The following ANO5 variants were observed in gnomAD, a reference collection of about 807,000 sequenced individuals.
ANO5 encodes the protein anoctamin 5, also known as anoctamin-5.
ANO5 carries 109 observed loss-of-function variants against 121.0 expected under a neutral mutation model. The ratio of observed to expected loss-of-function variants is 0.90; its 90% confidence interval spans 0.77 to 1.06. ANO5 has a LOEUF of 1.06. Ranked by LOEUF, ANO5 falls within the 50% of genes least tolerant of loss-of-function variation. The pLI is 0.00. For synonymous variants in ANO5, 406 were observed against 359.9 expected, an observed-to-expected ratio of 1.13 and a Z score of -1.45; for missense variants, 1,064 against 1,078.5, an observed-to-expected ratio of 0.99 and a Z score of 0.19.
Position 22,203,944 on chromosome 11 carries a change from A to G in ANO5, c.87+94A>G, listed in dbSNP as rs554485752. 1.2e-3 allele frequency: 974 copies of G among 796,762 alleles called. 3 individuals are homozygous for G. Among genetic ancestry groups the G allele is most frequent in the Non-Finnish European group, 1.8e-3 (899 of 493,500 alleles). The allele number at this position is 796,762 out of a possible 1,614,324, so 49.4% of individuals were successfully genotyped here. A position where few individuals can be genotyped will look rare whatever the true frequency, so the allele number is the denominator to read the frequency against. On this transcript the variant is annotated intron_variant, in intron 2 of 21. Transcript: ENST00000324559. ...GCCTTTGTACTTATTTACTTATAATACATTCTATTATGCCCTCTAATTTAT... is the reference window on the plus strand; with the variant it reads ...GCCTTTGTACTTATTTACTTATAATGCATTCTATTATGCCCTCTAATTTAT...
intron 2 of ANO5, among the ~76,000 whole-genome samples, chr11:22,207,162 G>A (rs1304161806): frequency 5.3e-5 from 8 of 151,968 alleles, no homozygotes; most frequent in Non-Finnish European, 1.2e-4. Context: ...TAAAATATCT[G>A]TATGACATTT....
At chr11:22,257,605 G>A (rs1854043950) in intron 13 of ANO5, 75 bp from the exon 14 acceptor site, 4 of 1,216,178 alleles carry the variant, frequency 3.3e-6, no homozygotes, top group Non-Finnish European at 4.9e-6. Flanking sequence ...TGGGCTCTGT[G>A]ATATTGACTA....
intron 5 of ANO5, among the ~76,000 whole-genome samples, chr11:22,223,198 G>A (rs4639931): frequency 0.69 from 105,005 of 151,836 alleles, 37,851 homozygotes; most frequent in Non-Finnish European, 0.81. Context: ...TTCATTAGAA[G>A]GAATCACAGG....
At chr11:22,274,983 G>A (rs554588909) in intron 20 of ANO5, among the ~76,000 whole-genome samples, 2 of 152,004 alleles carry the variant, frequency 1.3e-5, no homozygotes, top group East Asian at 3.9e-4. Flanking sequence ...CTAAGATTAT[G>A]GGTAAAGATA....
intron 7 of ANO5, 113 bp from the exon 8 acceptor site, chr11:22,236,050 A>G (rs564236051): frequency 1.4e-6 from 1 of 732,304 alleles, no homozygotes; most frequent in African/African-American, 1.8e-5. Context: ...TTCTTTCTAT[A>G]ATTAGAGCCT....
chr11:22,209,082 C>A (rs1243429301), intron 2 of ANO5, among the ~76,000 whole-genome samples: 2 of 151,874 alleles, frequency 1.3e-5, no homozygotes, highest in Admixed American at 6.6e-5. Context: ...TTTTACAAGA[C>A]AGAAGTATAA....
At chr11:22,219,466 T>C (rs1852568007) in intron 4 of ANO5, among the ~76,000 whole-genome samples, 1 of 152,038 alleles carries the variant, frequency 6.6e-6, no homozygotes, top group African/African-American at 2.4e-5. Context: ...TGTAAATATA[T>C]TAGTTTTTGA....
intron 7 of ANO5, among the ~76,000 whole-genome samples, chr11:22,229,004 G>A (rs1852943945): frequency 6.6e-6 from 1 of 151,852 alleles, no homozygotes; most frequent in Non-Finnish European, 1.5e-5. Context: ...CCAGTAATGG[G>A]ATTGCTGGAT....
Position 22,276,211 on chromosome 11 carries a change from T to G in ANO5, c.2520+12T>G, listed in dbSNP as rs757192592. 1.9e-6 allele frequency: 3 copies of G among 1,582,248 alleles called. No homozygotes were observed. The highest frequency in any genetic ancestry group is 1.1e-5 in the South Asian group (1 of 90,364). ...TCATTGTTATGGAAGTAAGCTGTTCTTAACTTTCATTCGAGTTACTCTCTT... is the reference window on the plus strand; with the variant it reads ...TCATTGTTATGGAAGTAAGCTGTTCGTAACTTTCATTCGAGTTACTCTCTT... On this transcript the variant is annotated intron_variant, in intron 21 of 21. Transcript: ENST00000324559.
chr11:22,254,787 A>C (rs1056205952), intron 12 of ANO5, among the ~76,000 whole-genome samples: 3 of 152,060 alleles, frequency 2.0e-5, no homozygotes, highest in African/African-American at 7.2e-5. Context: ...TAATTCCAGC[A>C]CTTTGGGGGG....
chr11:22,279,803 T>C lies in ANO5; in HGVS notation c.*38T>C. On this transcript the variant is annotated 3_prime_UTR_variant, in exon 22 of 22. Coordinates refer to ENST00000324559, the MANE Select transcript of ANO5 (RefSeq NM_213599.3). ...GGAAGCAGCAGGTGATCTGCCTTAC[T>C]TCACTTTATCCTCTGGTTTTAGGGC... The C allele has an allele frequency of 1.3e-6, 2 of 1,555,726 alleles. No individual in the cohort carries two copies.
intron 7 of ANO5, among the ~76,000 whole-genome samples, chr11:22,230,690 A>G (rs1352048182): frequency 6.6e-6 from 1 of 151,942 alleles, no homozygotes; most frequent in Non-Finnish European, 1.5e-5. Context: ...TCAGTACCAA[A>G]AAGCAGACAG....
chr11:22,275,982 T>C (rs1000481589), intron 20 of ANO5, 112 bp from the exon 21 acceptor site: 1 of 738,150 alleles, frequency 1.4e-6, no homozygotes, highest in Non-Finnish European at 2.3e-6. Context: ...ACCTGATTTT[T>C]CTGATCAACT....
chr11:22,239,551 C>G lies in ANO5; in HGVS notation c.763-18C>G, dbSNP rs986331169. On this transcript the variant is annotated intron_variant, in intron 8 of 21. Transcript: ENST00000324559. The stretch of plus-strand genomic sequence containing the variant: ...TTTTGCTTCGTCTTTTATGTACCCT[C>G]CTCTTGAATATCTGCAGGGCCAATA... The G allele has an allele frequency of 2.4e-5, 38 of 1,556,856 alleles. No individual in the cohort carries two copies. The highest frequency in any genetic ancestry group is 3.4e-5 in the Non-Finnish European group (38 of 1,128,398).
At chr11:22,231,877 C>T (rs1479850256) in intron 7 of ANO5, among the ~76,000 whole-genome samples, 2 of 151,992 alleles carry the variant, frequency 1.3e-5, no homozygotes, top group South Asian at 2.1e-4. Flanking sequence ...AATTATCAGT[C>T]TTTCGTGTTG....
chr11:22,253,283 C>T (rs1043708754), intron 12 of ANO5, among the ~76,000 whole-genome samples: 3 of 144,122 alleles, frequency 2.1e-5, no homozygotes, highest in African/African-American at 8.8e-5. Flanking sequence ...TAGTCCACAT[C>T]ATTTCTCTTT....
intron 8 of ANO5, among the ~76,000 whole-genome samples, chr11:22,238,868 A>T: frequency 6.6e-6 from 1 of 152,106 alleles, no homozygotes; most frequent in Non-Finnish European, 1.5e-5. Context: ...CGTTAGGTAT[A>T]TCTCCAACGT....
chr11:22,281,092 A>G lies in ANO5; in HGVS notation c.*1327A>G, dbSNP rs1174120148. The G allele has an allele frequency of 6.6e-6, 1 of 151,846 alleles. No homozygotes were observed. Among genetic ancestry groups the G allele is most frequent in the African/African-American group, 2.4e-5 (1 of 41,376 alleles). The allele number at this position is 151,846 out of a possible 1,614,324, so 9.4% of individuals were successfully genotyped here. A position where few individuals can be genotyped will look rare whatever the true frequency, so the allele number is the denominator to read the frequency against. ...ACTAAATATGTATAACTTTGTGTAT[A>G]CACACACACACATCTATATATATAA... On this transcript the variant is annotated 3_prime_UTR_variant, in exon 22 of 22. Coordinates refer to ENST00000324559, the MANE Select transcript of ANO5 (RefSeq NM_213599.3).
intron 12 of ANO5, among the ~76,000 whole-genome samples, chr11:22,252,411 T>A (rs1853855800): frequency 6.6e-6 from 1 of 152,200 alleles, no homozygotes; most frequent in Non-Finnish European, 1.5e-5. Flanking sequence ...TGCCTTATAT[T>A]ACATCATAAA....
Sources: gnomAD v4.1 joint callset for allele counts (sites outside exome capture counted in the v4.1 genomes callset) on GRCh38, gnomAD v4.1.1 for gene constraint, MANE v1.5 for transcripts, NCBI Gene and HGNC (gene_info 2026-07-23, HGNC 2026-07-21) for gene names.